The following DNM3 variants were observed in gnomAD, a reference collection of about 807,000 sequenced individuals.
DNM3 encodes dynamin-3.
DNM3 carries 47 observed loss-of-function variants against 101.6 expected under a neutral mutation model. The ratio of observed to expected loss-of-function variants is 0.46; its 90% confidence interval spans 0.37 to 0.59. The LOEUF is 0.59. Ranked by LOEUF, DNM3 falls within the 20% of genes least tolerant of loss-of-function variation. DNM3 has a pLI of 0.00. For synonymous variants in DNM3, 385 were observed against 387.9 expected (o/e 0.99, Z 0.09); for missense variants, 849 against 1,085.7 (o/e 0.78, Z 3.06).
At chr1:172,256,054 C>T (rs1208845921) in intron 15 of DNM3, among the ~76,000 whole-genome samples, 1 of 152,034 alleles carries the variant, frequency 6.6e-6, no homozygotes, top group African/African-American at 2.4e-5. Flanking sequence ...TCCTTTGTCT[C>T]CTGGGATTAA....
chr1:172,217,455 T>G (rs1037222347), intron 14 of DNM3, among the ~76,000 whole-genome samples: 1 of 152,138 alleles, frequency 6.6e-6, no homozygotes, highest in African/African-American at 2.4e-5. Context: ...TGTGTAGCGG[T>G]AAGTGAAGAT....
chr1:172,333,907 C>T (rs2066303695), intron 17 of DNM3, among the ~76,000 whole-genome samples: 2 of 152,250 alleles, frequency 1.3e-5, no homozygotes, highest in South Asian at 4.1e-4. Flanking sequence ...CTGATTGAGA[C>T]ATTTTAATTT....
intron 17 of DNM3, among the ~76,000 whole-genome samples, chr1:172,347,968 T>C (rs2067022849): frequency 6.6e-6 from 1 of 152,038 alleles, no homozygotes; most frequent in Non-Finnish European, 1.5e-5. Flanking sequence ...ATATAATATA[T>C]TCTTTTTTAT....
intron 2 of DNM3, among the ~76,000 whole-genome samples, chr1:171,980,767 A>ATTTTTTTTTTTT (rs35033942): frequency 3.6e-5 from 4 of 110,244 alleles, no homozygotes; most frequent in African/African-American, 9.9e-5. Flanking sequence ...AAATCTACAG[A>ATTTTTTTTTTTT]TTTTTTTTTT....
chr1:172,123,647 A>C (rs2056449374), intron 13 of DNM3, among the ~76,000 whole-genome samples: 1 of 152,212 alleles, frequency 6.6e-6, no homozygotes, highest in South Asian at 2.1e-4. Flanking sequence ...CAAGAATGGC[A>C]GAAAGATAGG....
At chr1:172,174,667 A>G (rs2059090968) in intron 14 of DNM3, among the ~76,000 whole-genome samples, 1 of 151,648 alleles carries the variant, frequency 6.6e-6, no homozygotes, top group Admixed American at 6.6e-5. Flanking sequence ...AGCATGCAAC[A>G]TATGTGTTAG....
At chr1:172,295,885 C>T (rs758427690) in intron 15 of DNM3, among the ~76,000 whole-genome samples, 4 of 151,850 alleles carry the variant, frequency 2.6e-5, no homozygotes, top group Non-Finnish European at 4.4e-5. Flanking sequence ...AAAGAAGAAA[C>T]AAAGATAGGT....
At chr1:172,394,451 T>A (rs2069794631) in intron 20 of DNM3, 1 of 152,246 alleles carries the variant, frequency 6.6e-6, no homozygotes, top group African/African-American at 2.4e-5. Flanking sequence ...AGAAAGGATC[T>A]ACATAAGGCA....
intron 17 of DNM3, among the ~76,000 whole-genome samples, chr1:172,356,622 A>G (rs1028504523): frequency 6.6e-6 from 1 of 151,962 alleles, no homozygotes; most frequent in African/African-American, 2.4e-5. Context: ...AGGATTTCCA[A>G]TTTAGGCTGA....
chr1:172,110,459 A>G (rs570501008), intron 13 of DNM3, among the ~76,000 whole-genome samples: 7 of 152,336 alleles, frequency 4.6e-5, no homozygotes, highest in African/African-American at 1.4e-4. Flanking sequence ...TGTGTCTAAC[A>G]TAGAATCCGC....
chr1:172,200,493 T>C (rs2060115168), intron 14 of DNM3, among the ~76,000 whole-genome samples: 1 of 152,184 alleles, frequency 6.6e-6, no homozygotes, highest in Admixed American at 6.5e-5. Flanking sequence ...TATCCTGAAA[T>C]ATGTTTTCCA....
At chr1:172,055,192 C>T (rs556107882) in intron 10 of DNM3, among the ~76,000 whole-genome samples, 2 of 152,266 alleles carry the variant, frequency 1.3e-5, no homozygotes, top group South Asian at 4.1e-4. Context: ...CTCTCCTCCT[C>T]TTGGTCCACT....
At chr1:172,077,035 TAGTTTTGGG>T (rs1428465411) in intron 11 of DNM3, among the ~76,000 whole-genome samples, 1 of 152,180 alleles carries the variant, frequency 6.6e-6, no homozygotes, top group Non-Finnish European at 1.5e-5. Flanking sequence ...CTTCCTGGTT[TAGTTTTGGG>T]AGGGTGTATG....
intron 1 of DNM3, among the ~76,000 whole-genome samples, chr1:171,862,558 T>C (rs2034288085): frequency 6.6e-6 from 1 of 152,024 alleles, no homozygotes; most frequent in Admixed American, 6.6e-5. Context: ...AGCAGATTGG[T>C]GTTTGCCAGG....
At chr1:171,950,040 G>T (rs936052222) in intron 2 of DNM3, among the ~76,000 whole-genome samples, 1 of 152,092 alleles carries the variant, frequency 6.6e-6, no homozygotes, top group African/African-American at 2.4e-5. Context: ...CAAACATATT[G>T]TGGAACATTC....
chr1:172,347,760 G>A (rs556836995), intron 17 of DNM3, among the ~76,000 whole-genome samples: 6 of 152,174 alleles, frequency 3.9e-5, no homozygotes, highest in South Asian at 2.1e-4. Context: ...ATTCAAAGAC[G>A]ACTAACAGAA....
intron 10 of DNM3, among the ~76,000 whole-genome samples, chr1:172,052,968 A>T (rs2050311349): frequency 6.6e-6 from 1 of 152,158 alleles, no homozygotes; most frequent in South Asian, 2.1e-4. Context: ...AGCCTGAATT[A>T]TTCCAGTGGC....
chr1:172,274,413 A>G (rs1194028213), intron 15 of DNM3, among the ~76,000 whole-genome samples: 1 of 152,088 alleles, frequency 6.6e-6, no homozygotes, highest in Non-Finnish European at 1.5e-5. Context: ...CACCAACAAC[A>G]TAAGCATATC....
rs148177622 is a variant in DNM3, at chr1:172,410,664, G to A, written c.*2823G>A. The A allele has an allele frequency of 1.3e-3, 1,252 of 985,218 alleles. 15 individuals are homozygous for A. The African/African-American group carries it at 0.02, about 16-fold the overall frequency. 61.0% of individuals were successfully genotyped at this position (985,218 alleles called of 1,614,324 possible). A position where few individuals can be genotyped will look rare whatever the true frequency, so the allele number is the denominator to read the frequency against. On this transcript the variant is annotated 3_prime_UTR_variant, in exon 21 of 21. Coordinates refer to ENST00000627582, the MANE Select transcript of DNM3 (RefSeq NM_015569.5). ...ACTCGTCTGAATATTGCTTTTAGCC[G>A]TGTTTTATAACATAGACGAGCAGTA...
Sources: gnomAD v4.1 joint callset for allele counts (sites outside exome capture counted in the v4.1 genomes callset) on GRCh38, gnomAD v4.1.1 for gene constraint, MANE v1.5 for transcripts, NCBI Gene and HGNC (gene_info 2026-07-23, HGNC 2026-07-21) for gene names.